Variants in CDH22 observed in about 807,000 individuals in gnomAD.
CDH22 encodes cadherin-22.
CDH22 carries 30 observed loss-of-function variants against 58.4 expected under a neutral mutation model. That is an observed-to-expected ratio of 0.51 (90% CI 0.38 to 0.70). The LOEUF is 0.70. Ranked by LOEUF, CDH22 falls within the 30% of genes least tolerant of loss-of-function variation. The probability of loss-of-function intolerance (pLI) is 0.00; values close to 1 mark genes in which losing one functional copy is unlikely to be tolerated. For synonymous variants in CDH22, 513 were observed against 558.2 expected (o/e 0.92, Z 1.14); for missense variants, 1,014 against 1,233.9 (o/e 0.82, Z 2.67).
chr20:46,264,997 G>A (rs1208045565), intron 1 of CDH22, among the ~76,000 whole-genome samples: 1 of 152,106 alleles, frequency 6.6e-6, no homozygotes, highest in Non-Finnish European at 1.5e-5. Context: ...TCCACCTCAG[G>A]TGCCCCTGGC....
At chr20:46,185,692 AC>A (rs1468058616) in intron 10 of CDH22, among the ~76,000 whole-genome samples, 1 of 151,678 alleles carries the variant, frequency 6.6e-6, no homozygotes, top group Non-Finnish European at 1.5e-5. Flanking sequence ...ACACAGCAAG[AC>A]CCCATTTCTA....
chr20:46,211,244 A>G (rs1248669991), intron 6 of CDH22, among the ~76,000 whole-genome samples: 1 of 152,236 alleles, frequency 6.6e-6, no homozygotes, highest in Non-Finnish European at 1.5e-5. Context: ...GCCTATAGCA[A>G]CGAAAAAGCC....
At chr20:46,259,249 C>G (rs1373991140) in intron 1 of CDH22, among the ~76,000 whole-genome samples, 3 of 152,242 alleles carry the variant, frequency 2.0e-5, no homozygotes, top group African/African-American at 7.2e-5. Context: ...TCAGCATTTA[C>G]AGTGCACCTC....
chr20:46,257,974 A>G (rs1419738496), intron 1 of CDH22, among the ~76,000 whole-genome samples: 1 of 152,148 alleles, frequency 6.6e-6, no homozygotes, highest in African/African-American at 2.4e-5. Flanking sequence ...AACTGTGCCG[A>G]ATGCTGCCAT....
intron 10 of CDH22, among the ~76,000 whole-genome samples, chr20:46,181,237 C>T (rs1362414869): frequency 6.6e-6 from 1 of 152,046 alleles, no homozygotes; most frequent in Non-Finnish European, 1.5e-5. Flanking sequence ...ATTTAGTCTA[C>T]AATTACAAAC....
Position 46,174,943 on chromosome 20 carries a change from C to T in CDH22, c.2050G>A (p.Asp684Asn). The T allele has an allele frequency of 2.5e-6, 4 of 1,571,962 alleles. No individual in the cohort carries two copies. The highest frequency in any genetic ancestry group is 2.6e-6 in the Non-Finnish European group (3 of 1,162,474). Reference sequence around the variant, plus strand: ...TAGAGGCTCCGCAGCGCCGACATGTCGTAGGCTTCGGTGTCCTGCTCGCCG... The same window carrying T: ...TAGAGGCTCCGCAGCGCCGACATGTTGTAGGCTTCGGTGTCCTGCTCGCCG... ...GGGEQDTEAY[D>N]MSALRSLYDF... The change falls in exon 12 of 12, where the codon GAC (aspartate) becomes AAC (asparagine). Residue 684 changes from aspartate to asparagine, a missense_variant. Coordinates refer to ENST00000537909, the MANE Select transcript of CDH22 (RefSeq NM_021248.3). This position sits in a 1 kb window ranked among gnomAD's most constrained non-coding sequence, Gnocchi z 4.4.
intron 2 of CDH22, among the ~76,000 whole-genome samples, chr20:46,245,028 A>G (rs1398290824): frequency 1.3e-5 from 2 of 152,164 alleles, no homozygotes; most frequent in Non-Finnish European, 1.5e-5. Context: ...TGGGACTGAT[A>G]TTGCTTCACC....
At chr20:46,179,648 A>G (rs1405190102) in intron 10 of CDH22, among the ~76,000 whole-genome samples, 1 of 152,130 alleles carries the variant, frequency 6.6e-6, no homozygotes, top group Admixed American at 6.5e-5. Flanking sequence ...AAATAATGCA[A>G]GTCTATCATT....
intron 10 of CDH22, among the ~76,000 whole-genome samples, chr20:46,180,865 C>A (rs1395789101): frequency 1.3e-5 from 2 of 151,842 alleles, no homozygotes; most frequent in Admixed American, 6.6e-5. Flanking sequence ...TCCTGAGTAC[C>A]TAGGACTACA....
intron 1 of CDH22, among the ~76,000 whole-genome samples, chr20:46,258,083 T>G (rs1002244112): frequency 5.9e-5 from 9 of 152,190 alleles, no homozygotes; most frequent in Non-Finnish European, 1.3e-4. Context: ...GTGATCCTAC[T>G]GATAGGTCAG....
chr20:46,181,752 C>CTTCCTTTCTTTCTTTCTTTCT lies in CDH22; in HGVS notation c.1664-3556_1664-3555insAGAAAGAAAGAAAGAAAGGAA. Reference sequence around the variant, plus strand: ...CCTTCCTTCCTTCCTTCCTTCCTTCCTTCTTTCTTTCTTTCTTTCTTTCTT... The same window carrying CTTCCTTTCTTTCTTTCTTTCT: ...CCTTCCTTCCTTCCTTCCTTCCTTCCTTCCTTTCTTTCTTTCTTTCTTTCTTTCTTTCTTTCTTTCTTTCTT... On this transcript the variant is annotated intron_variant, in intron 10 of 11. Transcript: ENST00000537909. Among the ~76,000 whole-genome samples, 12 of 26,272 alleles carry CTTCCTTTCTTTCTTTCTTTCT rather than the reference C, an allele frequency of 4.6e-4. 1 individual carries two copies. The highest frequency in any genetic ancestry group is 1.3e-3 in the African/African-American group (10 of 7,836). The allele number at this position is 26,272 out of a possible 152,430, so 17.2% of individuals were successfully genotyped here. A position where few individuals can be genotyped will look rare whatever the true frequency, so the allele number is the denominator to read the frequency against.
At chr20:46,195,312 C>T (rs1488151184) in intron 8 of CDH22, among the ~76,000 whole-genome samples, 2 of 152,230 alleles carry the variant, frequency 1.3e-5, no homozygotes, top group African/African-American at 4.8e-5. Flanking sequence ...GCCCTGCCCT[C>T]ATGGAAGGTA....
At chr20:46,260,490 C>T (rs111396558) in intron 1 of CDH22, among the ~76,000 whole-genome samples, 157 of 152,336 alleles carry the variant, frequency 1.0e-3, no homozygotes, top group African/African-American at 3.5e-3. Context: ...ACAAAGACCT[C>T]ACCTACTCCT....
At chr20:46,186,531 AACAGGGCAGGGAG>A in intron 10 of CDH22, 44 bp downstream of exon 10, 1 of 1,252,552 alleles carries the variant, frequency 8.0e-7, no homozygotes, top group Middle Eastern at 2.7e-4. Flanking sequence ...ATAATATGGG[AACAGGGCAGGGAG>A]ACTGTGCCCC....
chr20:46,179,525 G>A (rs1262557851), intron 10 of CDH22, among the ~76,000 whole-genome samples: 1 of 152,212 alleles, frequency 6.6e-6, no homozygotes. Context: ...TCCAGATGCA[G>A]CACGACTGGC....
rs766967938 is a variant in CDH22, at chr20:46,174,535, G to A, written c.2458C>T (p.Arg820Cys). 3.3e-6 allele frequency: 5 copies of A among 1,519,140 alleles called. No individual in the cohort carries two copies. The highest frequency in any genetic ancestry group is 4.4e-6 in the Non-Finnish European group (5 of 1,139,806). The allele number at this position is 1,519,140 out of a possible 1,614,324, so 94.1% of individuals were successfully genotyped here. The change falls in exon 12 of 12, where the codon CGC (arginine) becomes TGC (cysteine). Residue 820 changes from arginine (R) to cysteine (C), a missense_variant. Arg to Cys is a radical substitution (Grantham distance 180, BLOSUM62 -3). Coordinates refer to ENST00000537909, the MANE Select transcript of CDH22 (RefSeq NM_021248.3). This position sits in a 1 kb window ranked among gnomAD's most constrained non-coding sequence, Gnocchi z 4.4. ...GAGGCCTGGGCCTCGTCGTCCCCGC[G>A]GTGGCCGGCGTAGAGCGCGGCCAGG... ...RPLAALYAGH[R>C]GDDEAQAS
chr20:46,234,893 G>T (rs1427008253), intron 3 of CDH22, among the ~76,000 whole-genome samples: 2 of 152,202 alleles, frequency 1.3e-5, no homozygotes, highest in Non-Finnish European at 2.9e-5. Context: ...CTAGCAAAGT[G>T]CTATGCACAT....
Position 46,210,298 on chromosome 20 carries a change from G to T in CDH22, c.1286+9C>A. The T allele has an allele frequency of 7.1e-7, 1 of 1,405,256 alleles. No individual in the cohort carries two copies. Among genetic ancestry groups the T allele is most frequent in the Non-Finnish European group, 9.2e-7 (1 of 1,086,080 alleles). 87.0% of individuals were successfully genotyped at this position (1,405,256 alleles called of 1,614,324 possible). On this transcript the variant is annotated intron_variant, in intron 7 of 11. Transcript: ENST00000537909. The surrounding 1 kb of genome is among the most constrained non-coding windows in gnomAD (Gnocchi z 4.5). Reference sequence around the variant, plus strand: ...GGCAGCAGGCGTCGGCCCCGGGCGGGGGTCTCACCGGACGGGCCGGTTGGC... The same window carrying T: ...GGCAGCAGGCGTCGGCCCCGGGCGGTGGTCTCACCGGACGGGCCGGTTGGC...
At position 46,236,239 on chromosome 20, in the gene CDH22, A is replaced by G. The variant is rs117106142; in HGVS notation, c.550+4724T>C. On this transcript the variant is annotated intron_variant, in intron 3 of 11. Coordinates refer to ENST00000537909, the MANE Select transcript of CDH22 (RefSeq NM_021248.3). ...TGAGCCAGAAACGCTGGGGGGGACA[A>G]GGGCAGCAATTTGTGTTTTAACAAG... is the stretch of plus-strand genomic sequence containing the variant. 7.6e-3 allele frequency among the ~76,000 whole-genome samples: 1,161 copies of G among 152,056 alleles called. 17 individuals are homozygous for G. Among genetic ancestry groups the G allele is most frequent in the Admixed American group, 0.026 (401 of 15,228 alleles).
Sources: allele counts gnomAD v4.1 joint callset (sites outside exome capture counted in the v4.1 genomes callset), GRCh38; gene constraint gnomAD v4.1.1; non-coding constraint Gnocchi (gnomAD v3.1); transcripts MANE v1.5; gene names NCBI Gene and HGNC (gene_info 2026-07-23, HGNC 2026-07-21).